GPC6: variants seen among roughly 807,000 people sequenced by gnomAD.
GPC6 encodes glypican 6.
Under a neutral mutation model 55.2 loss-of-function variants are expected in GPC6, and 14 were observed. That is an observed-to-expected ratio of 0.25 (90% CI 0.17 to 0.40). The LOEUF (loss-of-function observed/expected upper bound fraction) is 0.40, where lower values mean the gene tolerates loss of function less well. Among genes scored for constraint, GPC6 ranks in the 10% least tolerant of loss-of-function variants. GPC6 has a pLI of 1.00. For synonymous variants in GPC6, 278 were observed against 259.6 expected (o/e 1.07, Z -0.68); for missense variants, 641 against 708.5 (o/e 0.90, Z 1.08).
chr13:94,144,571 GTGTA>G (rs1247427013), intron 4 of GPC6, among the ~76,000 whole-genome samples: 4 of 136,044 alleles, frequency 2.9e-5, no homozygotes, highest in African/African-American at 1.1e-4. Flanking sequence ...GTGTGTGTGT[GTGTA>G]TAAGACAGAG....
At chr13:94,202,172 C>G (rs889552052) in intron 4 of GPC6, among the ~76,000 whole-genome samples, 5 of 152,114 alleles carry the variant, frequency 3.3e-5, no homozygotes, top group Non-Finnish European at 2.9e-5. Context: ...ACTTAAAATC[C>G]TTTGTAAATT....
In GPC6 at chr13:93,493,542, G is replaced by T. The variant is rs567236172; in HGVS notation, c.161-51721G>T. Among the ~76,000 whole-genome samples the T allele has an allele frequency of 1.4e-3, 170 of 121,634 alleles. 5 individuals carry two copies. Among genetic ancestry groups the T allele is most frequent in the African/African-American group, 5.1e-3 (168 of 32,962 alleles). The allele number at this position is 121,634 out of a possible 152,430, so 79.8% of individuals were successfully genotyped here. A position where few individuals can be genotyped will look rare whatever the true frequency, so the allele number is the denominator to read the frequency against. On this transcript the variant is annotated intron_variant, in intron 1 of 8. Transcript: ENST00000377047. The stretch of plus-strand genomic sequence containing the variant: ...TTTCCTTCAGTTCTGCTCTGATCTT[G>T]GTTATTTCTTGCCTTCTGCTAGCTT...
intron 4 of GPC6, among the ~76,000 whole-genome samples, chr13:94,268,642 T>C (rs958546141): frequency 1.3e-5 from 2 of 152,208 alleles, no homozygotes; most frequent in African/African-American, 4.8e-5. Flanking sequence ...CTGATTTTTT[T>C]TTCTATTTCA....
chr13:93,328,953 CT>C (rs1321098565), intron 1 of GPC6, among the ~76,000 whole-genome samples: 1 of 152,102 alleles, frequency 6.6e-6, no homozygotes, highest in Non-Finnish European at 1.5e-5. Flanking sequence ...CAGTTTAGAA[CT>C]CAGGGCTGCA....
At chr13:94,271,686 ATAC>A (rs995240274) in intron 4 of GPC6, among the ~76,000 whole-genome samples, 1 of 152,156 alleles carries the variant, frequency 6.6e-6, no homozygotes, top group African/African-American at 2.4e-5. Flanking sequence ...CCCATTGAAA[ATAC>A]TACATGACAA....
chr13:94,257,572 G>C (rs1441198263), intron 4 of GPC6, among the ~76,000 whole-genome samples: 1 of 152,062 alleles, frequency 6.6e-6, no homozygotes, highest in Non-Finnish European at 1.5e-5. Flanking sequence ...TCTCCCCCTA[G>C]TATTCCCTCA....
At chr13:93,972,981 C>T (rs1425472879) in intron 3 of GPC6, among the ~76,000 whole-genome samples, 8 of 152,014 alleles carry the variant, frequency 5.3e-5, no homozygotes, top group Admixed American at 5.2e-4. Flanking sequence ...CTGTCTCTCT[C>T]TCTCTCTCCC....
In GPC6 at chr13:94,154,342, G is replaced by A. The variant is rs575777066; in HGVS notation, c.877+126448G>A. ...CCACTAAAATATGCCTTTTAAAATC[G>A]TAGATTCTCTTCCATTTTTTTCCTC... On this transcript the variant is annotated intron_variant, in intron 4 of 8. Transcript: ENST00000377047. 10 of 152,104 alleles carry A rather than the reference G, an allele frequency of 6.6e-5. 1 individual carries two copies. In the South Asian group the frequency reaches 1.9e-3, roughly 28 times the overall value. The allele number at this position is 152,104 out of a possible 1,614,324, so 9.4% of individuals were successfully genotyped here.
chr13:93,450,225 T>C (rs1878174212), intron 1 of GPC6, among the ~76,000 whole-genome samples: 2 of 152,210 alleles, frequency 1.3e-5, no homozygotes, highest in Non-Finnish European at 2.9e-5. Context: ...TATTTACAGT[T>C]GAGCAAGACA....
chr13:94,238,663 G>A (rs1032746364), intron 4 of GPC6, among the ~76,000 whole-genome samples: 1 of 152,034 alleles, frequency 6.6e-6, no homozygotes, highest in Non-Finnish European at 1.5e-5. Flanking sequence ...CAGATTTTAG[G>A]GAGCTTTGGG....
At chr13:93,293,757 A>G (rs892739238) in intron 1 of GPC6, among the ~76,000 whole-genome samples, 1 of 152,190 alleles carries the variant, frequency 6.6e-6, no homozygotes, top group African/African-American at 2.4e-5. Context: ...TGTCTCTTGT[A>G]ATGAGCTACA....
intron 3 of GPC6, among the ~76,000 whole-genome samples, chr13:93,936,535 G>T (rs1033588470): frequency 6.6e-6 from 1 of 151,984 alleles, no homozygotes; most frequent in Admixed American, 6.6e-5. Flanking sequence ...GATAAATAAG[G>T]TTGCTTATTA....
intron 3 of GPC6, among the ~76,000 whole-genome samples, chr13:93,897,526 C>T (rs1876085252): frequency 6.6e-6 from 1 of 152,082 alleles, no homozygotes; most frequent in African/African-American, 2.4e-5. Context: ...AATGTAACTA[C>T]AGCATATACC....
intron 3 of GPC6, among the ~76,000 whole-genome samples, chr13:93,949,900 T>C (rs1191205171): frequency 1.3e-5 from 2 of 152,062 alleles, no homozygotes; most frequent in African/African-American, 4.8e-5. Context: ...CTGATTTTTG[T>C]ATTTTTTGTA....
intron 3 of GPC6, among the ~76,000 whole-genome samples, chr13:93,958,337 T>C (rs556591362): frequency 6.6e-6 from 1 of 152,336 alleles, no homozygotes; most frequent in South Asian, 2.1e-4. Context: ...TAGTTTCAGG[T>C]CTTACATTTA....
chr13:94,141,050 G>A (rs1887358575), intron 4 of GPC6, among the ~76,000 whole-genome samples: 1 of 152,164 alleles, frequency 6.6e-6, no homozygotes, highest in South Asian at 2.1e-4. Flanking sequence ...TTCTGAGCCA[G>A]TAGGAATGAC....
intron 2 of GPC6, among the ~76,000 whole-genome samples, chr13:93,786,393 T>C (rs1277579733): frequency 6.6e-6 from 1 of 152,188 alleles, no homozygotes; most frequent in African/African-American, 2.4e-5. Flanking sequence ...TATTTCTTAC[T>C]ATTATGACTA....
Position 94,170,930 on chromosome 13 carries a change from G to A in GPC6, c.878-115419G>A, listed in dbSNP as rs558342011. Among the ~76,000 whole-genome samples, 15 of 152,294 alleles carry A rather than the reference G, an allele frequency of 9.8e-5. No homozygotes were observed. The South Asian group carries it at 1.9e-3, about 19-fold the overall frequency. On this transcript the variant is annotated intron_variant, in intron 4 of 8. Transcript: ENST00000377047. Reference sequence around the variant, plus strand: ...TCTGCCTACTCCATGTCCAGAGTGCGAGGAAATAAATCTAGGATGTTCTTA... The same window carrying A: ...TCTGCCTACTCCATGTCCAGAGTGCAAGGAAATAAATCTAGGATGTTCTTA...
At chr13:93,367,938 G>A (rs985583921) in intron 1 of GPC6, among the ~76,000 whole-genome samples, 2 of 152,064 alleles carry the variant, frequency 1.3e-5, no homozygotes, top group East Asian at 3.9e-4. Context: ...ATGTCACTTC[G>A]ATCCTTTTAG....
Sources: gnomAD v4.1 joint callset for allele counts (sites outside exome capture counted in the v4.1 genomes callset) on GRCh38, gnomAD v4.1.1 for gene constraint, MANE v1.5 for transcripts, NCBI Gene and HGNC (gene_info 2026-07-23, HGNC 2026-07-21) for gene names.